GABRB1: variants seen among roughly 807,000 people sequenced by gnomAD.
GABRB1 encodes gamma-aminobutyric acid type A receptor subunit beta1, also known as gamma-aminobutyric acid receptor subunit beta-1.
A neutral mutation model predicts 51.6 loss-of-function variants in GABRB1; 17 were observed. The observed-to-expected ratio is 0.33, with a 90% CI of 0.23 to 0.49. The LOEUF (loss-of-function observed/expected upper bound fraction) is 0.49, where lower values mean the gene tolerates loss of function less well. GABRB1 is among the 20% of genes least tolerant of loss of function. The pLI, the probability that GABRB1 is intolerant of heterozygous loss-of-function variation, is 0.99. For missense variants in GABRB1, 410 were observed against 600.6 expected, an observed-to-expected ratio of 0.68 and a Z score of 3.32; for synonymous variants, 247 against 218.9, an observed-to-expected ratio of 1.13 and a Z score of -1.14.
At chr4:47,386,154 T>C (rs1291007965) in intron 5 of GABRB1, among the ~76,000 whole-genome samples, 1 of 152,140 alleles carries the variant, frequency 6.6e-6, no homozygotes, top group African/African-American at 2.4e-5. Flanking sequence ...GTTTCAGGCT[T>C]CTAATCTGGG....
At position 47,052,204 on chromosome 4, in the gene GABRB1, C is replaced by T. The variant is rs114938611; in HGVS notation, c.240+19720C>T. ...GCAGAAGACCTGTGCCTTGTAATTG[C>T]TGAAGAAACTTGAGTTCCCCTTTTT... is the stretch of plus-strand genomic sequence containing the variant. On this transcript the variant is annotated intron_variant, in intron 3 of 8. Coordinates refer to ENST00000295454, the MANE Select transcript of GABRB1 (RefSeq NM_000812.4). Among the ~76,000 whole-genome samples the T allele has an allele frequency of 8.4e-3, 1,286 of 152,242 alleles. 14 individuals are homozygous for T. Among genetic ancestry groups the T allele is most frequent in the African/African-American group, 0.028 (1,178 of 41,534 alleles).
intron 4 of GABRB1, among the ~76,000 whole-genome samples, chr4:47,238,591 T>C (rs1013626004): frequency 6.6e-6 from 1 of 152,152 alleles, no homozygotes; most frequent in Non-Finnish European, 1.5e-5. Flanking sequence ...GTTCTGCTCT[T>C]CATGTGAATA....
At chr4:47,065,989 C>T (rs1727063818) in intron 3 of GABRB1, among the ~76,000 whole-genome samples, 1 of 152,122 alleles carries the variant, frequency 6.6e-6, no homozygotes, top group African/African-American at 2.4e-5. Context: ...ACTTGTATCT[C>T]AGAAAAATGT....
chr4:47,032,128 G>GGACACA (rs1553910577), intron 2 of GABRB1, 123 bp downstream of exon 2: 31 of 583,554 alleles, frequency 5.3e-5, no homozygotes, highest in African/African-American at 4.4e-4. Context: ...TATACCCTGG[G>GGACACA]CACACACACA....
At chr4:47,232,822 A>AT (rs927536701) in intron 4 of GABRB1, among the ~76,000 whole-genome samples, 62 of 148,416 alleles carry the variant, frequency 4.2e-4, no homozygotes, top group Middle Eastern at 7.0e-3. Context: ...CAAATTTCTT[A>AT]TTTTTTTTTG....
At chr4:47,288,406 G>T (rs1224526938) in intron 4 of GABRB1, among the ~76,000 whole-genome samples, 3 of 151,978 alleles carry the variant, frequency 2.0e-5, no homozygotes, top group Non-Finnish European at 2.9e-5. Context: ...GGGACTACAG[G>T]TACCTGCCAC....
At chr4:47,333,797 A>C (rs1437609686) in intron 5 of GABRB1, among the ~76,000 whole-genome samples, 4 of 152,200 alleles carry the variant, frequency 2.6e-5, no homozygotes, top group Non-Finnish European at 5.9e-5. Flanking sequence ...AAATTATATA[A>C]GAATAATTTC....
intron 2 of GABRB1, 78 bp from the exon 3 acceptor site, chr4:47,032,339 G>T (rs1725355706): frequency 4.6e-6 from 6 of 1,294,920 alleles, no homozygotes; most frequent in Middle Eastern, 1.9e-4. Context: ...TGGAGTAAGG[G>T]CTGGGAAGCC....
intron 4 of GABRB1, among the ~76,000 whole-genome samples, chr4:47,249,602 G>A (rs954574324): frequency 6.6e-6 from 1 of 152,028 alleles, no homozygotes; most frequent in African/African-American, 2.4e-5. Flanking sequence ...ATAAGTTTGG[G>A]AGCTCCAGTG....
intron 3 of GABRB1, among the ~76,000 whole-genome samples, chr4:47,072,084 G>T (rs947755292): frequency 3.3e-5 from 5 of 150,716 alleles, no homozygotes; most frequent in Admixed American, 6.6e-5. Context: ...AATGCAAAAA[G>T]TCATCTTGAC....
At position 47,158,870 on chromosome 4, in the gene GABRB1, A is replaced by C. The variant is rs1238939811; in HGVS notation, c.241-2379A>C. ...ATACTAATGTGTACATAGCAATTAA[A>C]AATTTTGAAGATAATTTATTTGTTT... On this transcript the variant is annotated intron_variant, in intron 3 of 8. Transcript: ENST00000295454. Among the ~76,000 whole-genome samples the C allele has an allele frequency of 1.3e-5, 2 of 152,126 alleles. 1 individual carries two copies. Among genetic ancestry groups the C allele is most frequent in the Admixed American group, 1.3e-4 (2 of 15,250 alleles).
chr4:47,094,600 G>A (rs1714302605), intron 3 of GABRB1, among the ~76,000 whole-genome samples: 4 of 152,150 alleles, frequency 2.6e-5, no homozygotes, highest in Admixed American at 2.0e-4. Context: ...ATGCACTGGG[G>A]CCTATCAGAG....
At chr4:47,042,133 T>C (rs1184160101) in intron 3 of GABRB1, among the ~76,000 whole-genome samples, 6 of 152,106 alleles carry the variant, frequency 3.9e-5, no homozygotes, top group Admixed American at 3.3e-4. Flanking sequence ...TCCCAGCATA[T>C]TTTAGGGACT....
intron 4 of GABRB1, among the ~76,000 whole-genome samples, chr4:47,271,881 C>G (rs1173929098): frequency 6.6e-6 from 1 of 152,116 alleles, no homozygotes; most frequent in Non-Finnish European, 1.5e-5. Context: ...AGAAAATATT[C>G]TTTTTCTTCA....
intron 4 of GABRB1, among the ~76,000 whole-genome samples, chr4:47,260,134 G>A (rs1191176672): frequency 3.9e-5 from 6 of 152,076 alleles, no homozygotes; most frequent in Admixed American, 6.6e-5. Flanking sequence ...TTTATCAGAG[G>A]CTAGGATTGC....
At chr4:47,006,557 G>A (rs1349250708) in intron 1 of GABRB1, among the ~76,000 whole-genome samples, 1 of 152,010 alleles carries the variant, frequency 6.6e-6, no homozygotes, top group Non-Finnish European at 1.5e-5. Context: ...CTTGAATTTT[G>A]ATAAGATGTG....
intron 1 of GABRB1, among the ~76,000 whole-genome samples, chr4:47,008,529 C>T (rs1724479982): frequency 6.7e-6 from 1 of 149,772 alleles, no homozygotes. Context: ...GTGGTGTGAT[C>T]TTGGCTCACT....
chr4:47,262,974 A>G (rs1306545585), intron 4 of GABRB1, among the ~76,000 whole-genome samples: 1 of 145,076 alleles, frequency 6.9e-6, no homozygotes, highest in African/African-American at 2.6e-5. Flanking sequence ...GTTCTCACTC[A>G]TAGGTGGGAA....
chr4:47,153,177 G>C (rs1263679012), intron 3 of GABRB1, among the ~76,000 whole-genome samples: 1 of 152,000 alleles, frequency 6.6e-6, no homozygotes. Flanking sequence ...ACATATACCA[G>C]TCAGCCTTTA....
Sources: allele counts gnomAD v4.1 joint callset (sites outside exome capture counted in the v4.1 genomes callset), GRCh38; gene constraint gnomAD v4.1.1; transcripts MANE v1.5; gene names NCBI Gene and HGNC (gene_info 2026-07-23, HGNC 2026-07-21).